The following TAF1 variants were observed in gnomAD, a reference collection of about 807,000 sequenced individuals.
The protein encoded by TAF1 is transcription initiation factor TFIID subunit 1.
In TAF1, 2 loss-of-function variants were observed where a neutral mutation model predicts 138.5. The observed-to-expected ratio is 0.01, with a 90% CI of 0.01 to 0.05. TAF1 has a LOEUF of 0.05. TAF1 is among the 10% of genes least tolerant of loss of function. The pLI, the probability that TAF1 is intolerant of heterozygous loss-of-function variation, is 1.00. For missense variants in TAF1, 709 were observed against 1,478.0 expected (o/e 0.48, Z 8.53); for synonymous variants, 437 against 503.2 (o/e 0.87, Z 1.76).
At chrX:71,469,380 A>AC (rs2038837789), downstream of TAF1, among the ~76,000 whole-genome samples, 1 of 111,292 alleles carries the variant, frequency 9.0e-6, no homozygotes, top group Non-Finnish European at 1.9e-5. Flanking sequence ...TTTTTTGTTA[A>AC]GTGTAGAAAA....
In TAF1 at chrX:71,465,710, A is replaced by G. The variant is rs2038731209; in HGVS notation, c.*1664A>G. 1 of 112,188 alleles carries G rather than the reference A, an allele frequency of 8.9e-6. No homozygotes were observed. Among genetic ancestry groups the G allele is most frequent in the Middle Eastern group, 4.2e-3 (1 of 237 alleles). 9.2% of individuals were successfully genotyped at this position (112,188 alleles called of 1,213,427 possible). On this transcript the variant is annotated 3_prime_UTR_variant, in exon 38 of 38. Coordinates refer to ENST00000423759, the MANE Select transcript of TAF1 (RefSeq NM_004606.5). ...GGTTTGTGTTTTAGAAATCTGTGTA[A>G]TGAATGAATGAAGAAAGAAATTGAA... is the stretch of plus-strand genomic sequence containing the variant.
At chrX:71,385,883 G>A (rs2034187324) in intron 14 of TAF1, among the ~76,000 whole-genome samples, 1 of 111,163 alleles carries the variant, frequency 9.0e-6, no homozygotes, top group Non-Finnish European at 1.9e-5. Context: ...TTTTCTGGCC[G>A]AGCGTGGTGG....
chrX:71,442,701 A>G (rs1249245425), intron 32 of TAF1, among the ~76,000 whole-genome samples: 1 of 111,778 alleles, frequency 8.9e-6, no homozygotes, highest in African/African-American at 3.2e-5. Context: ...TTTTGTTGCC[A>G]TTGGTTTTGG....
chrX:71,380,633 GA>G (rs999961451), intron 8 of TAF1, among the ~76,000 whole-genome samples: 11 of 111,203 alleles, frequency 9.9e-5, no homozygotes, highest in African/African-American at 2.3e-4. Flanking sequence ...TAGTGTAAAT[GA>G]AAAAAAGCAG....
chrX:71,496,317 CA>C (rs2039393962), intron 13 of TAF1, among the ~76,000 whole-genome samples: 1 of 112,175 alleles, frequency 8.9e-6, no homozygotes, highest in African/African-American at 3.2e-5. Flanking sequence ...TCAGTGGCCT[CA>C]GTGCTTTCGG....
At chrX:71,420,681 C>T (rs1454810118) in intron 28 of TAF1, among the ~76,000 whole-genome samples, 3 of 113,062 alleles carry the variant, frequency 2.7e-5, no homozygotes, top group Non-Finnish European at 5.6e-5. Context: ...TCCGGGTCAC[C>T]CTCGACCAGT....
chrX:71,514,008 C>T (rs1056399505), intron 13 of TAF1, among the ~76,000 whole-genome samples: 14 of 111,671 alleles, frequency 1.3e-4, no homozygotes, highest in Non-Finnish European at 1.9e-4. Flanking sequence ...AGCAGCAACC[C>T]GCTCAGGTCC....
intron 13 of TAF1, among the ~76,000 whole-genome samples, chrX:71,514,675 T>C (rs1244254891): frequency 9.0e-6 from 1 of 111,372 alleles, no homozygotes; most frequent in Non-Finnish European, 1.9e-5. Flanking sequence ...GAGAAGTTGC[T>C]GATTGTGTCA....
chrX:71,366,806 G>A (rs1384387820), intron 1 of TAF1, among the ~76,000 whole-genome samples: 3 of 111,287 alleles, frequency 2.7e-5, no homozygotes, highest in Non-Finnish European at 5.7e-5. Flanking sequence ...CTTCCCACCC[G>A]TAACCTGCTT....
intron 25 of TAF1, among the ~76,000 whole-genome samples, chrX:71,401,981 C>T (rs1441572277): frequency 8.9e-6 from 1 of 112,022 alleles, no homozygotes; most frequent in Non-Finnish European, 1.9e-5. Context: ...CAAAATAAAA[C>T]CACCTTTACC....
chrX:71,422,218 T>C (rs2036383808), intron 29 of TAF1, among the ~76,000 whole-genome samples: 1 of 111,481 alleles, frequency 9.0e-6, no homozygotes, highest in African/African-American at 3.3e-5. Context: ...TGGGGAGCTA[T>C]GATGTTGACA....
chrX:71,376,138 T>C (rs1205176300), intron 4 of TAF1, among the ~76,000 whole-genome samples: 1 of 111,826 alleles, frequency 8.9e-6, no homozygotes, highest in Non-Finnish European at 1.9e-5. Flanking sequence ...TTTTGAGGCT[T>C]GTATTAACCT....
chrX:71,482,216 C>T (rs750092854), intron 13 of TAF1, among the ~76,000 whole-genome samples: 1 of 112,367 alleles, frequency 8.9e-6, no homozygotes, highest in Non-Finnish European at 1.9e-5. Flanking sequence ...ACTATCAACA[C>T]ACTTCCCTTT....
intron 13 of TAF1, among the ~76,000 whole-genome samples, chrX:71,520,019 G>C (rs1269863942): frequency 1.0e-4 from 11 of 109,075 alleles, no homozygotes; most frequent in Non-Finnish European, 2.1e-4. Context: ...TCGCCATGTT[G>C]GTCAGGCTGG....
At chrX:71,389,846 A>C in intron 18 of TAF1, 181 bp downstream of exon 18, 1 of 345,202 alleles carries the variant, frequency 2.9e-6, no homozygotes, top group South Asian at 7.6e-5. Context: ...ATTTTATATG[A>C]TATGGGTTTG....
chrX:71,529,660 T>A (rs764712794), intron 14 of TAF1: 2 of 331,935 alleles, frequency 6.0e-6, no homozygotes, highest in Admixed American at 3.1e-5. Context: ...GAAGTGAAGA[T>A]GCAAGTCTCC....
chrX:71,459,117 C>T (rs1041753162), intron 35 of TAF1: 10 of 1,014,268 alleles, frequency 9.9e-6, no homozygotes, highest in Non-Finnish European at 1.2e-5. Flanking sequence ...AGGCACGTCC[C>T]TCAATGATGT....
intron 13 of TAF1, among the ~76,000 whole-genome samples, chrX:71,475,584 CAAAAAA>C (rs78014278): frequency 2.4e-5 from 1 of 41,488 alleles, no homozygotes; most frequent in African/African-American, 1.1e-4. Flanking sequence ...GACTCCGTTT[CAAAAAA>C]AAAAAAAAAA....
In TAF1 at chrX:71,366,783, C is replaced by T. The variant is rs954413563; in HGVS notation, c.120+289C>T. On this transcript the variant is annotated intron_variant, in intron 1 of 37. Transcript: ENST00000423759. ...GACAGTAGGACACATGCTGGTTTCGCCTACTGAGATGGCTTCCCACCCGTA... is the reference window on the plus strand; with the variant it reads ...GACAGTAGGACACATGCTGGTTTCGTCTACTGAGATGGCTTCCCACCCGTA... 3.6e-5 allele frequency among the ~76,000 whole-genome samples: 4 copies of T among 111,251 alleles called. No homozygotes were observed. In the Admixed American group the frequency reaches 3.8e-4, roughly 11 times the overall value.
Sources: allele counts gnomAD v4.1 joint callset (sites outside exome capture counted in the v4.1 genomes callset), GRCh38; gene constraint gnomAD v4.1.1; transcripts MANE v1.5; gene names NCBI Gene and HGNC (gene_info 2026-07-23, HGNC 2026-07-21).